The following MRAP2 variants were observed in gnomAD, a reference collection of about 807,000 sequenced individuals.
The protein encoded by MRAP2 is melanocortin-2 receptor accessory protein 2.
Under a neutral mutation model 17.4 loss-of-function variants are expected in MRAP2, and 20 were observed. The observed-to-expected ratio is 1.15, with a 90% CI of 0.81 to 1.67. The LOEUF is 1.67. Ranked by LOEUF, MRAP2 falls within the 40% of genes most tolerant of loss-of-function variation. The pLI is 0.00. For missense variants in MRAP2, 238 were observed against 240.0 expected, an observed-to-expected ratio of 0.99 and a Z score of 0.05; for synonymous variants, 96 against 88.4, an observed-to-expected ratio of 1.09 and a Z score of -0.48.
intron 1 of MRAP2, among the ~76,000 whole-genome samples, chr6:84,042,912 G>C (rs930895502): frequency 6.6e-6 from 1 of 152,228 alleles, no homozygotes; most frequent in Non-Finnish European, 1.5e-5. Flanking sequence ...CTGTGGAACA[G>C]AGCTGGAAAT....
the MRAP2 span, among the ~76,000 whole-genome samples, chr6:84,117,378 A>G: frequency 6.6e-6 from 1 of 152,120 alleles, no homozygotes; most frequent in African/African-American, 2.4e-5. Context: ...AGATGATGCC[A>G]GCTTCATAGA....
At position 84,058,072 on chromosome 6, in the gene MRAP2, G is replaced by A. The variant is rs185647915; in HGVS notation, c.127+2627G>A. Among the ~76,000 whole-genome samples the A allele has an allele frequency of 1.7e-3, 260 of 152,236 alleles. 1 individual carries two copies. The highest frequency in any genetic ancestry group is 2.7e-3 in the Non-Finnish European group (187 of 68,026). ...GGCTGTGGGGACAAGGACATGGGGGGGCCTTAGAGGTCATGCTAAGGACTT... is the reference window on the plus strand; with the variant it reads ...GGCTGTGGGGACAAGGACATGGGGGAGCCTTAGAGGTCATGCTAAGGACTT... On this transcript the variant is annotated intron_variant, in intron 2 of 3. Coordinates refer to ENST00000257776, the MANE Select transcript of MRAP2 (RefSeq NM_138409.4).
At chr6:84,125,036 T>C in the MRAP2 span, 1 of 1,530,750 alleles carries the variant, frequency 6.5e-7, no homozygotes, top group Non-Finnish European at 9.0e-7. Flanking sequence ...TCTTCAGGCC[T>C]TTTAATAAGG....
intron 2 of MRAP2, among the ~76,000 whole-genome samples, chr6:84,061,410 C>G (rs988914741): frequency 6.6e-6 from 1 of 152,122 alleles, no homozygotes; most frequent in African/African-American, 2.4e-5. Flanking sequence ...GTACCAAGTT[C>G]TGTAGACAAT....
the MRAP2 span, among the ~76,000 whole-genome samples, chr6:84,141,066 C>G: frequency 2.9e-4 from 44 of 152,284 alleles, no homozygotes; most frequent in South Asian, 1.5e-3. Context: ...AATGCCGCCA[C>G]TGATCTGACA....
chr6:84,067,113 C>T (rs977494688), intron 3 of MRAP2, among the ~76,000 whole-genome samples: 15 of 152,038 alleles, frequency 9.9e-5, no homozygotes, highest in Non-Finnish European at 2.9e-5. Flanking sequence ...TTAGCTCCCA[C>T]GTATCAGTGA....
At chr6:84,076,805 T>C (rs138008163) in intron 3 of MRAP2, among the ~76,000 whole-genome samples, 154 of 152,330 alleles carry the variant, frequency 1.0e-3, no homozygotes, top group African/African-American at 3.6e-3. Flanking sequence ...GCAGCAGGTA[T>C]TTCATTTGTA....
chr6:84,095,650 A>G (rs2099502550), downstream of MRAP2, among the ~76,000 whole-genome samples: 1 of 152,192 alleles, frequency 6.6e-6, no homozygotes. Flanking sequence ...ACCTACTGAA[A>G]AATTGTCTAT....
intron 2 of MRAP2, 102 bp downstream of exon 2, chr6:84,055,547 A>T: frequency 8.2e-7 from 1 of 1,224,800 alleles, no homozygotes; most frequent in Non-Finnish European, 1.1e-6. Flanking sequence ...TTCTTTACAG[A>T]ACTCTCTGTC....
intron 2 of MRAP2, among the ~76,000 whole-genome samples, chr6:84,061,088 A>C (rs1290581374): frequency 6.6e-6 from 1 of 152,132 alleles, no homozygotes; most frequent in Admixed American, 6.5e-5. Context: ...TAGACACATT[A>C]GTTTTTCAGA....
chr6:84,125,987 T>C, the MRAP2 span, among the ~76,000 whole-genome samples: 2 of 152,196 alleles, frequency 1.3e-5, no homozygotes, highest in Non-Finnish European at 2.9e-5. Flanking sequence ...TAATTAAGTA[T>C]AGTAATATTA....
chr6:84,097,222 T>G, the MRAP2 span, among the ~76,000 whole-genome samples: 5 of 152,074 alleles, frequency 3.3e-5, no homozygotes, highest in African/African-American at 1.2e-4. Flanking sequence ...GTGTGTGTGG[T>G]GGGGTAGGGC....
rs1249927519 is a variant in MRAP2 at position 84,084,914 on chromosome 6, TTTA to T, written c.228-4174_228-4172del. 5.2e-3 allele frequency among the ~76,000 whole-genome samples: 474 copies of T among 90,302 alleles called. 4 individuals are homozygous for T. The highest frequency in any genetic ancestry group is 0.025 in the African/African-American group (423 of 16,848). 59.2% of individuals were successfully genotyped at this position (90,302 alleles called of 152,430 possible). On this transcript the variant is annotated intron_variant, in intron 3 of 3. Transcript: ENST00000257776. Reference sequence around the variant, plus strand: ...TTTTATTTTATTTTATTTTATTTTATTTATTTATTTTATTTTACTTTATTTTAT... The same window carrying T: ...TTTTATTTTATTTTATTTTATTTTATTTTATTTTATTTTACTTTATTTTAT...
At chr6:84,078,686 T>C (rs577717057) in intron 3 of MRAP2, among the ~76,000 whole-genome samples, 1 of 152,230 alleles carries the variant, frequency 6.6e-6, no homozygotes, top group Non-Finnish European at 1.5e-5. Flanking sequence ...GGATTAGCTC[T>C]CTTGGGAATG....
chr6:84,052,397 A>G (rs1475830969), intron 1 of MRAP2, among the ~76,000 whole-genome samples: 1 of 152,166 alleles, frequency 6.6e-6, no homozygotes, highest in African/African-American at 2.4e-5. Flanking sequence ...CTACTTGGAC[A>G]TGCTGGCAGT....
At position 84,083,697 on chromosome 6, in the gene MRAP2, C is replaced by T. The variant is rs182223345; in HGVS notation, c.228-5394C>T. Among the ~76,000 whole-genome samples the T allele has an allele frequency of 5.0e-3, 766 of 152,222 alleles. 9 individuals are homozygous for T. The highest frequency in any genetic ancestry group is 0.016 in the African/African-American group (676 of 41,546). On this transcript the variant is annotated intron_variant, in intron 3 of 3. Transcript: ENST00000257776. ...CAAAAAATTATTTAAGTAATGTGAACTAAAAACACGTGGGTTAGTTACTAT... is the reference window on the plus strand; with the variant it reads ...CAAAAAATTATTTAAGTAATGTGAATTAAAAACACGTGGGTTAGTTACTAT...
At chr6:84,034,970 A>C (rs1328686961) in intron 1 of MRAP2, among the ~76,000 whole-genome samples, 1 of 152,254 alleles carries the variant, frequency 6.6e-6, no homozygotes, top group Admixed American at 6.5e-5. Context: ...GAGAGTGACG[A>C]GGGCCTGCAA....
chr6:84,105,411 A>G, the MRAP2 span, among the ~76,000 whole-genome samples: 3 of 152,084 alleles, frequency 2.0e-5, no homozygotes, highest in African/African-American at 4.8e-5. Flanking sequence ...ACAGCAGGCA[A>G]AGAGAGAGAG....
the MRAP2 span, among the ~76,000 whole-genome samples, chr6:84,102,770 C>A: frequency 6.6e-6 from 1 of 151,240 alleles, no homozygotes; most frequent in African/African-American, 2.4e-5. Flanking sequence ...AGGAGGACCT[C>A]GGTGATTAAG....
Sources: gnomAD v4.1 joint callset for allele counts (sites outside exome capture counted in the v4.1 genomes callset) on GRCh38, gnomAD v4.1.1 for gene constraint, MANE v1.5 for transcripts, NCBI Gene and HGNC (gene_info 2026-07-23, HGNC 2026-07-21) for gene names.